The following CNTNAP2 variants were observed in gnomAD, a reference collection of about 807,000 sequenced individuals.
CNTNAP2 encodes the protein contactin-associated protein-like 2.
In CNTNAP2, 98 loss-of-function variants were observed where a neutral mutation model predicts 155.2. The ratio of observed to expected loss-of-function variants is 0.63; its 90% confidence interval spans 0.54 to 0.75. The LOEUF is 0.75. CNTNAP2 is among the 30% of genes least tolerant of loss of function. The pLI is 0.00. For synonymous variants in CNTNAP2, 651 were observed against 631.2 expected (o/e 1.03, Z -0.47); for missense variants, 1,727 against 1,688.1 (o/e 1.02, Z -0.40).
At chr7:147,420,019 C>G (rs578067839) in intron 10 of CNTNAP2, among the ~76,000 whole-genome samples, 2 of 152,306 alleles carry the variant, frequency 1.3e-5, no homozygotes, top group South Asian at 2.1e-4. Flanking sequence ...ACTAGACACA[C>G]AGGGCCACGA....
chr7:147,096,404 C>T (rs897807960), intron 4 of CNTNAP2, among the ~76,000 whole-genome samples: 1 of 152,150 alleles, frequency 6.6e-6, no homozygotes, highest in Admixed American at 6.5e-5. Flanking sequence ...AGGGACAGCC[C>T]CTTTTATCCA....
chr7:147,534,177 C>T (rs905514695), intron 11 of CNTNAP2, among the ~76,000 whole-genome samples: 1 of 152,118 alleles, frequency 6.6e-6, no homozygotes, highest in East Asian at 1.9e-4. Flanking sequence ...TTGTGATTGT[C>T]CCATTTGGTT....
At chr7:146,561,883 C>T (rs533513228) in intron 1 of CNTNAP2, among the ~76,000 whole-genome samples, 9 of 152,180 alleles carry the variant, frequency 5.9e-5, no homozygotes, top group Middle Eastern at 3.4e-3. Context: ...TCAACCTCCC[C>T]GGGCTCAAGT....
chr7:146,466,871 G>A (rs970612682), intron 1 of CNTNAP2, among the ~76,000 whole-genome samples: 2 of 152,124 alleles, frequency 1.3e-5, no homozygotes, highest in Non-Finnish European at 2.9e-5. Context: ...GCATACTGCT[G>A]TTCCTGTGAA....
chr7:147,042,036 G>C (rs1224085428), intron 3 of CNTNAP2, among the ~76,000 whole-genome samples: 1 of 152,094 alleles, frequency 6.6e-6, no homozygotes, highest in East Asian at 1.9e-4. Flanking sequence ...GGCTAGAAAA[G>C]TACCTACAAA....
chr7:148,131,303 T>C (rs2116628488), intron 16 of CNTNAP2, among the ~76,000 whole-genome samples: 1 of 152,134 alleles, frequency 6.6e-6, no homozygotes, highest in Non-Finnish European at 1.5e-5. Context: ...TTCACTGTGT[T>C]GGCCAGGATG....
chr7:147,130,367 A>T (rs1403692563), intron 7 of CNTNAP2, among the ~76,000 whole-genome samples: 1 of 152,062 alleles, frequency 6.6e-6, no homozygotes, highest in Non-Finnish European at 1.5e-5. Context: ...TAGGAGGATC[A>T]CTTGAGCCCA....
chr7:147,680,716 C>T (rs879709229), intron 13 of CNTNAP2, among the ~76,000 whole-genome samples: 1 of 151,892 alleles, frequency 6.6e-6, no homozygotes, highest in Non-Finnish European at 1.5e-5. Context: ...ATAAGTCATA[C>T]AGTCATTCTG....
chr7:147,868,846 G>T (rs969431900), intron 13 of CNTNAP2, among the ~76,000 whole-genome samples: 1 of 152,232 alleles, frequency 6.6e-6, no homozygotes, highest in African/African-American at 2.4e-5. Context: ...TATTTGGTCA[G>T]AAGTGTCCTA....
chr7:147,119,034 G>C (rs1352876735), intron 5 of CNTNAP2, among the ~76,000 whole-genome samples: 2 of 152,110 alleles, frequency 1.3e-5, no homozygotes, highest in Non-Finnish European at 2.9e-5. Context: ...TAGAGGAAAA[G>C]AAGGAAGAGC....
At chr7:147,353,310 C>T (rs1438867479) in intron 9 of CNTNAP2, among the ~76,000 whole-genome samples, 1 of 151,860 alleles carries the variant, frequency 6.6e-6, no homozygotes, top group Non-Finnish European at 1.5e-5. Flanking sequence ...CCCCTACTCC[C>T]CGACAGGCCC....
intron 1 of CNTNAP2, among the ~76,000 whole-genome samples, chr7:146,640,597 G>A (rs935095711): frequency 1.1e-4 from 16 of 152,154 alleles, no homozygotes; most frequent in African/African-American, 3.6e-4. Flanking sequence ...TGGAGACTTC[G>A]ATTTGATTGA....
chr7:147,688,794 C>G (rs1001650539), intron 13 of CNTNAP2, among the ~76,000 whole-genome samples: 4 of 152,092 alleles, frequency 2.6e-5, no homozygotes, highest in Non-Finnish European at 5.9e-5. Context: ...ATTTTGTGAA[C>G]AGCTGAATGT....
chr7:146,255,894 A>G (rs2129080625), intron 1 of CNTNAP2, among the ~76,000 whole-genome samples: 1 of 152,334 alleles, frequency 6.6e-6, no homozygotes, highest in Admixed American at 6.5e-5. Flanking sequence ...AGGAAAGTGA[A>G]AACAAGAAGG....
chr7:148,100,822 C>T (rs924877333), intron 15 of CNTNAP2, among the ~76,000 whole-genome samples: 36 of 152,140 alleles, frequency 2.4e-4, no homozygotes, highest in Non-Finnish European at 3.5e-4. Context: ...TATAAAGACA[C>T]ATGCACACGT....
intron 1 of CNTNAP2, among the ~76,000 whole-genome samples, chr7:146,546,132 A>G (rs2693398): frequency 0.033 from 5,016 of 151,918 alleles, 292 homozygotes; most frequent in African/African-American, 0.11. Context: ...AAAACATTTC[A>G]AGTTGAAAAG....
At chr7:147,107,113 A>C (rs1370340820) in intron 4 of CNTNAP2, among the ~76,000 whole-genome samples, 1 of 152,184 alleles carries the variant, frequency 6.6e-6, no homozygotes, top group Admixed American at 6.6e-5. Context: ...GCTTACAGAA[A>C]TAGTCTATTG....
At chr7:147,573,443 T>C (rs1444386562) in intron 12 of CNTNAP2, among the ~76,000 whole-genome samples, 2 of 152,212 alleles carry the variant, frequency 1.3e-5, no homozygotes, top group Non-Finnish European at 2.9e-5. Context: ...TGTGCATCCA[T>C]GTTATTCTAT....
intron 8 of CNTNAP2, among the ~76,000 whole-genome samples, chr7:147,169,526 G>A (rs546218727): frequency 2.0e-5 from 3 of 152,128 alleles, no homozygotes; most frequent in South Asian, 2.1e-4. Context: ...GTGAGAACAC[G>A]CGGTATTTGG....
Sources: gnomAD v4.1 joint callset for allele counts (sites outside exome capture counted in the v4.1 genomes callset) on GRCh38, gnomAD v4.1.1 for gene constraint, MANE v1.5 for transcripts, NCBI Gene and HGNC (gene_info 2026-07-23, HGNC 2026-07-21) for gene names.